The following ZNF730 variants were observed in gnomAD, a reference collection of about 807,000 sequenced individuals.
ZNF730 encodes putative zinc finger protein 730.
Under a neutral mutation model 12.6 loss-of-function variants are expected in ZNF730, and 12 were observed. The observed-to-expected ratio is 0.95, with a 90% CI of 0.61 to 1.54. The LOEUF is 1.54. Among genes scored for constraint, ZNF730 ranks in the 40% most tolerant of loss-of-function variants. The probability of loss-of-function intolerance (pLI) is 0.00; values close to 1 mark genes in which losing one functional copy is unlikely to be tolerated. For missense variants in ZNF730, 643 were observed against 583.5 expected, an observed-to-expected ratio of 1.10 and a Z score of -1.05; for synonymous variants, 194 against 195.8, an observed-to-expected ratio of 0.99 and a Z score of 0.08.
At chr19:23,102,012 G>T (rs1253820502) in intron 1 of ZNF730, among the ~76,000 whole-genome samples, 1 of 152,126 alleles carries the variant, frequency 6.6e-6, no homozygotes, top group East Asian at 1.9e-4. Context: ...TGCATGTTAG[G>T]ACATATTATG....
intron 1 of ZNF730, among the ~76,000 whole-genome samples, chr19:23,099,092 G>T (rs2091952768): frequency 6.6e-6 from 1 of 152,038 alleles, no homozygotes; most frequent in Admixed American, 6.6e-5. Flanking sequence ...TATCACACAG[G>T]GACAGAACCC....
At chr19:23,114,400 G>A (rs1056765685), upstream of ZNF730, among the ~76,000 whole-genome samples, 2 of 138,886 alleles carry the variant, frequency 1.4e-5, no homozygotes, top group South Asian at 2.3e-4. Flanking sequence ...TCCGCCTCCC[G>A]GGTTCTCGCC....
intron 1 of ZNF730, among the ~76,000 whole-genome samples, chr19:23,083,560 T>C (rs910470507): frequency 1.3e-5 from 2 of 152,138 alleles, no homozygotes; most frequent in Admixed American, 6.6e-5. Context: ...ACAGTGTGTA[T>C]GTGTTTCCTC....
intron 1 of ZNF730, among the ~76,000 whole-genome samples, chr19:23,117,689 T>C (rs1423637193): frequency 6.6e-6 from 1 of 152,182 alleles, no homozygotes; most frequent in African/African-American, 2.4e-5. Context: ...AGGAAAGACT[T>C]TCATAAGATG....
At chr19:23,124,629 T>C (rs1970640219) in intron 1 of ZNF730, among the ~76,000 whole-genome samples, 1 of 152,038 alleles carries the variant, frequency 6.6e-6, no homozygotes, top group African/African-American at 2.4e-5. Flanking sequence ...CTGACAAGAG[T>C]GGTTAATGCT....
intron 1 of ZNF730, among the ~76,000 whole-genome samples, chr19:23,107,475 A>AAAAAAAAAAAAAAAAAC (rs752480467): frequency 7.6e-5 from 9 of 118,934 alleles, no homozygotes; most frequent in Non-Finnish European, 7.3e-5. Flanking sequence ...AAAAAAAAAA[A>AAAAAAAAAAAAAAAAAC]CCACCACAGC....
chr19:23,079,919 G>A (rs1482149606), intron 1 of ZNF730, among the ~76,000 whole-genome samples: 1 of 151,968 alleles, frequency 6.6e-6, no homozygotes, highest in Admixed American at 6.6e-5. Context: ...TATCATTATT[G>A]TAGTATTTGT....
In ZNF730 at chr19:23,145,906, G is replaced by C. The variant is rs535465860; in HGVS notation, c.862G>C (p.Glu288Gln). The change falls in exon 4 of 4, where the codon GAA becomes CAA. Residue 288 changes from glutamate (E) to glutamine (Q), a missense_variant. By Grantham distance (29) the Glu-to-Gln change is conservative. Transcript: ENST00000597761. The part of the protein sequence containing the change: ...HTGEKPYKCE[E>Q]CGKAFNQSSN... ...TGGAGAGAAACCCTATAAATGTGAA[G>C]AATGTGGCAAAGCCTTTAACCAGTC... is the stretch of plus-strand genomic sequence containing the variant. 151 of 1,610,954 alleles carry C rather than the reference G, an allele frequency of 9.4e-5. No individual in the cohort carries two copies. The African/African-American group carries it at 1.8e-3, about 19-fold the overall frequency.
chr19:23,078,287 G>A (rs371134706), intron 1 of ZNF730, among the ~76,000 whole-genome samples: 13 of 151,908 alleles, frequency 8.6e-5, no homozygotes, highest in East Asian at 1.9e-4. Flanking sequence ...TATTATTCCC[G>A]GAGAGTGATT....
At chr19:23,117,221 T>C (rs192139334) in intron 1 of ZNF730, 45 bp downstream of exon 1, 3 of 1,613,266 alleles carry the variant, frequency 1.9e-6, no homozygotes, top group African/African-American at 2.7e-5. Context: ...ACGGGGCTGG[T>C]TGGAACCGGT....
chr19:23,105,740 T>A (rs1203967259), intron 1 of ZNF730, among the ~76,000 whole-genome samples: 1 of 152,216 alleles, frequency 6.6e-6, no homozygotes. Flanking sequence ...GCAAACCTTT[T>A]TGTGGCTGTG....
At chr19:23,108,950 A>T (rs912724909) in intron 1 of ZNF730, among the ~76,000 whole-genome samples, 2 of 151,966 alleles carry the variant, frequency 1.3e-5, no homozygotes, top group African/African-American at 4.8e-5. Context: ...GGGTTTTGCT[A>T]TGTTGGCCAG....
chr19:23,101,726 C>T (rs1044924917), intron 1 of ZNF730, among the ~76,000 whole-genome samples: 1 of 152,174 alleles, frequency 6.6e-6, no homozygotes, highest in African/African-American at 2.4e-5. Flanking sequence ...TGCACCACCA[C>T]ACCCAACTAG....
chr19:23,129,571 A>AACCCC (rs1970716872), intron 1 of ZNF730, among the ~76,000 whole-genome samples: 1 of 111,552 alleles, frequency 9.0e-6, no homozygotes, highest in African/African-American at 4.2e-5. Context: ...CAATGCTTGT[A>AACCCC]TCCCCCCCCC....
intron 1 of ZNF730, among the ~76,000 whole-genome samples, chr19:23,091,558 C>A (rs62122966): frequency 2.0e-5 from 3 of 152,164 alleles, no homozygotes; most frequent in African/African-American, 7.2e-5. Context: ...GGAGCTGTTC[C>A]GGATCATGGG....
intron 3 of ZNF730, among the ~76,000 whole-genome samples, chr19:23,136,992 A>G (rs1970842352): frequency 6.6e-6 from 1 of 151,964 alleles, no homozygotes; most frequent in Non-Finnish European, 1.5e-5. Context: ...AACATAGTGA[A>G]ACCCTGTCTC....
chr19:23,090,672 C>A (rs1344244394), intron 1 of ZNF730, among the ~76,000 whole-genome samples: 2 of 152,096 alleles, frequency 1.3e-5, no homozygotes, highest in African/African-American at 4.8e-5. Context: ...CACAGCAGCT[C>A]CTCCCATCAC....
upstream of ZNF730, among the ~76,000 whole-genome samples, chr19:23,116,716 C>T (rs1036775642): frequency 1.3e-5 from 2 of 152,024 alleles, no homozygotes; most frequent in Non-Finnish European, 2.9e-5. Flanking sequence ...CCACCGCGCC[C>T]GGTCTATGTT....
chr19:23,131,032 GT>G (rs1266512756), intron 1 of ZNF730, among the ~76,000 whole-genome samples: 1 of 152,112 alleles, frequency 6.6e-6, no homozygotes, highest in African/African-American at 2.4e-5. Flanking sequence ...GAAATATAAA[GT>G]ATGAATTTTA....
Sources: allele counts gnomAD v4.1 joint callset (sites outside exome capture counted in the v4.1 genomes callset), GRCh38; gene constraint gnomAD v4.1.1; transcripts MANE v1.5; gene names NCBI Gene and HGNC (gene_info 2026-07-23, HGNC 2026-07-21).